TEP1: variants seen among roughly 807,000 people sequenced by gnomAD.
TEP1 encodes telomerase associated protein 1, also known as telomerase protein component 1.
In TEP1, 241 loss-of-function variants were observed where a neutral mutation model predicts 306.3. The observed-to-expected ratio is 0.79, with a 90% CI of 0.71 to 0.88. The LOEUF is 0.88. Ranked by LOEUF, TEP1 falls within the 40% of genes least tolerant of loss-of-function variation. The probability of loss-of-function intolerance (pLI) is 0.00; values close to 1 mark genes in which losing one functional copy is unlikely to be tolerated. For missense variants in TEP1, 3,051 were observed against 3,276.1 expected, an observed-to-expected ratio of 0.93 and a Z score of 1.68; for synonymous variants, 1,289 against 1,305.5, an observed-to-expected ratio of 0.99 and a Z score of 0.27.
rs758024202 is a variant in TEP1 at position 20,378,905 on chromosome 14, C to T, written c.5253-52G>A. The T allele has an allele frequency of 8.1e-6, 13 of 1,613,702 alleles. 1 individual carries two copies. The South Asian group carries it at 8.8e-5, about 11-fold the overall frequency. On this transcript the variant is annotated intron_variant, in intron 36 of 54. Transcript: ENST00000262715. ...TCTGGACCCTGGCCATCAGCTCCCT[C>T]CTCATTTCCTTCTCCTGGGGCTTCC... is the stretch of plus-strand genomic sequence containing the variant.
chr14:20,376,026 A>G, intron 42 of TEP1, 78 bp downstream of exon 42: 1 of 1,560,914 alleles, frequency 6.4e-7, no homozygotes, highest in Admixed American at 1.8e-5. Context: ...AGGAGGAAGC[A>G]ATGGGAAATG....
chr14:20,369,841 A>G, intron 51 of TEP1, 62 bp from the exon 52 acceptor site: 2 of 1,387,538 alleles, frequency 1.4e-6, no homozygotes, highest in Non-Finnish European at 1.0e-6. Context: ...ACCAGACAAA[A>G]CAACAGTTTT....
rs762115583 is a variant in TEP1 at position 20,395,626 on chromosome 14, T to C, written c.1752A>G (p.Ala584=). The change falls in exon 12 of 55, where the codon GCA becomes GCG. Residue 584 remains alanine, a splice_region_variant and synonymous_variant. Coordinates refer to ENST00000262715, the MANE Select transcript of TEP1 (RefSeq NM_007110.5). ...DALEAQLRNQ[A]LPFPSNITLM... ...GTGTTATATTCGAAGGAAAGGGCAA[T>C]GCTGTATGATGACAGGTAAATTTCC... 8 of 1,593,618 alleles carry C rather than the reference T, an allele frequency of 5.0e-6. No homozygotes were observed. In the East Asian group the frequency reaches 1.4e-4, roughly 27 times the overall value.
chr14:20,372,605 A>G, intron 49 of TEP1, 128 bp downstream of exon 49: 1 of 1,414,560 alleles, frequency 7.1e-7, no homozygotes, highest in Middle Eastern at 1.9e-4. Context: ...GAAGCAGAAA[A>G]TAATGTCCCA....
intron 1 of TEP1, among the ~76,000 whole-genome samples, chr14:20,412,836 T>A (rs1487155314): frequency 2.0e-5 from 3 of 151,958 alleles, no homozygotes; most frequent in Non-Finnish European, 2.9e-5. Flanking sequence ...TTTTTTTGTA[T>A]TTTCAGTAGA....
Position 20,368,478 on chromosome 14 carries a change from C to T in TEP1, c.7843G>A (p.Gly2615Arg), listed in dbSNP as rs199613125. 4.5e-5 allele frequency: 72 copies of T among 1,614,050 alleles called. No homozygotes were observed. Among genetic ancestry groups the T allele is most frequent in the Non-Finnish European group, 5.1e-6 (6 of 1,180,042 alleles). Residue 2615 changes from glycine (G) to arginine (R), a missense_variant, in exon 55 of 55, where the codon GGA (glycine) becomes AGA (arginine). Gly to Arg is a moderately radical substitution (Grantham distance 125). This residue lies in a region of TEP1 where 1,540 missense variants were observed against 1,705.9 expected (regional missense o/e 0.90). Transcript: ENST00000262715. ...AAGTACACATTGCCCTGCACGTCTC[C>T]CACGGCAAGCTGCAGGGTGGAGTTA... is the stretch of plus-strand genomic sequence containing the variant. ...GANSTLQLAV[G>R]DVQGNVYFLN...
At chr14:20,379,234 A>C (rs1038812039) in intron 35 of TEP1, 129 bp from the exon 36 acceptor site, 7 of 1,251,742 alleles carry the variant, frequency 5.6e-6, no homozygotes, top group Non-Finnish European at 7.7e-6. Context: ...CTATGTTCCA[A>C]GTCAAGCACA....
chr14:20,408,947 C>T (rs1053337619), intron 1 of TEP1, among the ~76,000 whole-genome samples: 1 of 152,040 alleles, frequency 6.6e-6, no homozygotes, highest in Admixed American at 6.6e-5. Context: ...AGTTTGATCC[C>T]TACTTAGTAG....
intron 1 of TEP1, among the ~76,000 whole-genome samples, chr14:20,409,537 G>T (rs1879460865): frequency 6.6e-6 from 1 of 152,130 alleles, no homozygotes; most frequent in Non-Finnish European, 1.5e-5. Context: ...AAATTCCACA[G>T]ATCCTAAATG....
At position 20,382,670 on chromosome 14, in the gene TEP1, G is replaced by T. The variant is rs543090080; in HGVS notation, c.4093C>A (p.Leu1365Met). Residue 1365 changes from leucine (L) to methionine (M), a missense_variant, in exon 28 of 55, where the codon CTG (leucine) becomes ATG (methionine). Physicochemically the swap from Leu to Met is conservative, Grantham distance 15. Transcript: ENST00000262715. ...CTCAGGTGATCGGTGACCAAGCGCA[G>T]GTAGAGCGGCCGGCCTGATTCCCGC... ...VKRESGRPLYLRLVTDHLRLF... is the reference protein window; with the variant it reads ...VKRESGRPLYMRLVTDHLRLF... 1.6e-4 allele frequency: 261 copies of T among 1,614,080 alleles called. 4 individuals carry two copies. The South Asian group carries it at 2.4e-3, about 15-fold the overall frequency.
rs766317083 is a variant in TEP1 at position 20,384,494 on chromosome 14, C to G, written c.3236G>C (p.Trp1079Ser). The change falls in exon 23 of 55, where the codon TGG becomes TCG. Residue 1079 changes from tryptophan (W) to serine (S), a missense_variant. Transcript: ENST00000262715. ...GGGCCGGCCAGCTGCCACACCCCCC[C>G]ACTCACAGGGGTATCTGTGGGCAAA... ...GITCRRYPCE[W>S]GGVAAGRPYV... is the part of the protein sequence containing the mutation. 7 of 1,614,154 alleles carry G rather than the reference C, an allele frequency of 4.3e-6. No homozygotes were observed. The highest frequency in any genetic ancestry group is 2.2e-5 in the South Asian group (2 of 91,078).
chr14:20,395,750 C>A, intron 11 of TEP1, 109 bp downstream of exon 11: 2 of 1,495,750 alleles, frequency 1.3e-6, no homozygotes, highest in Admixed American at 3.6e-5. Context: ...GCCCCCCACC[C>A]CGATACACCC....
chr14:20,399,139 C>T (rs1247426555), intron 9 of TEP1, among the ~76,000 whole-genome samples: 12 of 152,246 alleles, frequency 7.9e-5, no homozygotes, highest in Non-Finnish European at 1.5e-4. Context: ...GTGATTTGCC[C>T]GCCCCAGCCT....
chr14:20,409,453 C>T (rs539302333), intron 1 of TEP1, among the ~76,000 whole-genome samples: 1 of 152,222 alleles, frequency 6.6e-6, no homozygotes, highest in Admixed American at 6.5e-5. Flanking sequence ...GGACCTAGAT[C>T]TCCCTTCTGA....
intron 15 of TEP1, 98 bp from the exon 16 acceptor site, chr14:20,389,838 TCTGAGAGGAGTACCTCTC>T: frequency 2.7e-6 from 4 of 1,490,528 alleles, no homozygotes; most frequent in Non-Finnish European, 3.6e-6. Flanking sequence ...TTAGGAGAAC[TCTGAGAGGAGTACCTCTC>T]CTGAGAGCAC....
In TEP1 at chr14:20,381,029, C is replaced by T. The variant is rs139365971; in HGVS notation, c.4664G>A (p.Arg1555His). ...LPYHLLQSGN[R>H]GLLSKFLTNL... Reference sequence around the variant, plus strand: ...GGTAAGGAACTTCGAAAGAAGTCCACGGTTCCCGCTCTGGAGCTGAGAAGG... The same window carrying T: ...GGTAAGGAACTTCGAAAGAAGTCCATGGTTCCCGCTCTGGAGCTGAGAAGG... The change falls in exon 33 of 55, where the codon CGT (arginine) becomes CAT (histidine). Residue 1555 changes from arginine (R) to histidine (H), a missense_variant. Arg to His is a conservative substitution (Grantham distance 29). Transcript: ENST00000262715. The surrounding 1 kb of genome is among the most constrained non-coding windows in gnomAD (Gnocchi z 4.0). The T allele has an allele frequency of 3.9e-5, 63 of 1,613,958 alleles. 1 individual carries two copies. In the African/African-American group the frequency reaches 6.1e-4, roughly 16 times the overall value.
Position 20,376,258 on chromosome 14 carries a change from A to C in TEP1, c.6095T>G (p.Phe2032Cys). The C allele has an allele frequency of 6.2e-7, 1 of 1,612,972 alleles. No homozygotes were observed. The highest frequency in any genetic ancestry group is 8.5e-7 in the Non-Finnish European group (1 of 1,179,610). ...CTGCCTTGGCCACAGCTGCACTGTG[A>C]AATCCTCTGCATTGGAAAAAGAGAG... is the stretch of plus-strand genomic sequence containing the variant. ...QELLASASED[F>C]TVQLWPRQLL... Residue 2032 changes from phenylalanine (F) to cysteine (C), a missense_variant, in exon 42 of 55, where the codon TTC (phenylalanine) becomes TGC (cysteine). This residue lies in a region of TEP1 where 1,540 missense variants were observed against 1,705.9 expected (regional missense o/e 0.90). Coordinates refer to ENST00000262715, the MANE Select transcript of TEP1 (RefSeq NM_007110.5).
chr14:20,410,474 G>A (rs1177322875), intron 1 of TEP1, among the ~76,000 whole-genome samples: 5 of 152,058 alleles, frequency 3.3e-5, no homozygotes, highest in African/African-American at 9.7e-5. Context: ...CCAGGCTGGA[G>A]TGCAATGGCA....
In TEP1 at chr14:20,380,478, A is replaced by G. The variant is rs1885467632; in HGVS notation, c.4763-3T>C. 1.5e-5 allele frequency: 24 copies of G among 1,609,144 alleles called. No individual in the cohort carries two copies. In the East Asian group the frequency reaches 5.3e-4, roughly 36 times the overall value. On this transcript the variant is annotated splice_region_variant and splice_polypyrimidine_tract_variant and intron_variant, in intron 33 of 54. Coordinates refer to ENST00000262715, the MANE Select transcript of TEP1 (RefSeq NM_007110.5). ...TTCCTCTTTGGGGACTGAAGAAGCT[A>G]TAAAAGGGTGGCAGAATGTCACTGG...
Sources: gnomAD v4.1 joint callset for allele counts (sites outside exome capture counted in the v4.1 genomes callset) on GRCh38, gnomAD v4.1.1 for gene constraint, gnomAD v4.1.1 regional missense constraint, Gnocchi (gnomAD v3.1) non-coding constraint, MANE v1.5 for transcripts, NCBI Gene and HGNC (gene_info 2026-07-23, HGNC 2026-07-21) for gene names.